The following MAN1A2 variants were observed in gnomAD, a reference collection of about 807,000 sequenced individuals.
MAN1A2 encodes the protein mannosyl-oligosaccharide 1,2-alpha-mannosidase IB.
In MAN1A2, 26 loss-of-function variants were observed where a neutral mutation model predicts 75.7. The observed-to-expected ratio is 0.34, with a 90% CI of 0.25 to 0.48. The LOEUF is 0.48. Among genes scored for constraint, MAN1A2 ranks in the 20% least tolerant of loss-of-function variants. The probability of loss-of-function intolerance (pLI) is 0.99; values close to 1 mark genes in which losing one functional copy is unlikely to be tolerated. For synonymous variants in MAN1A2, 247 were observed against 264.6 expected, an observed-to-expected ratio of 0.93 and a Z score of 0.65; for missense variants, 562 against 775.5, an observed-to-expected ratio of 0.72 and a Z score of 3.27.
chr1:117,524,957 T>G lies in MAN1A2; in HGVS notation c.*2000T>G, dbSNP rs959650886. ...AAAGTAGCACAAGCCCACTTATGAA[T>G]CACTGAGAAAAAGTGAAAAACTTGA... On this transcript the variant is annotated 3_prime_UTR_variant, in exon 13 of 13. Transcript: ENST00000356554. 3 of 351,976 alleles carry G rather than the reference T, an allele frequency of 8.5e-6. No individual in the cohort carries two copies. The highest frequency in any genetic ancestry group is 6.4e-5 in the African/African-American group (3 of 46,754). 21.8% of individuals were successfully genotyped at this position (351,976 alleles called of 1,614,324 possible). A position where few individuals can be genotyped will look rare whatever the true frequency, so the allele number is the denominator to read the frequency against.
intron 8 of MAN1A2, among the ~76,000 whole-genome samples, chr1:117,470,947 T>G (rs186638572): frequency 1.2e-3 from 185 of 152,020 alleles, no homozygotes; most frequent in African/African-American, 4.1e-3. Context: ...GGTAATTACC[T>G]TCAGGAAAAG....
At chr1:117,372,504 T>C (rs1007557974) in intron 1 of MAN1A2, among the ~76,000 whole-genome samples, 3 of 152,194 alleles carry the variant, frequency 2.0e-5, no homozygotes, top group African/African-American at 7.2e-5. Flanking sequence ...AGGAAACCAA[T>C]ATGTTCCCTT....
chr1:117,388,873 A>G (rs1289449621), intron 1 of MAN1A2, among the ~76,000 whole-genome samples: 1 of 152,238 alleles, frequency 6.6e-6, no homozygotes, highest in Non-Finnish European at 1.5e-5. Context: ...AATAATATTT[A>G]CAATAAATTA....
intron 3 of MAN1A2, among the ~76,000 whole-genome samples, chr1:117,413,318 T>C (rs1647883289): frequency 1.3e-5 from 2 of 151,898 alleles, no homozygotes; most frequent in Admixed American, 1.3e-4. Flanking sequence ...GAAAATGGCA[T>C]GTAAATTAAG....
intron 6 of MAN1A2, among the ~76,000 whole-genome samples, chr1:117,443,889 T>C (rs1454579666): frequency 6.6e-6 from 1 of 152,076 alleles, no homozygotes; most frequent in African/African-American, 2.4e-5. Context: ...TGTGAGCCAC[T>C]GCACCTAGCA....
At chr1:117,450,386 TTTA>T (rs1410881440) in intron 6 of MAN1A2, among the ~76,000 whole-genome samples, 1 of 152,036 alleles carries the variant, frequency 6.6e-6, no homozygotes, top group African/African-American at 2.4e-5. Flanking sequence ...GGCATTCAGT[TTTA>T]TAAGGGAAGC....
intron 8 of MAN1A2, among the ~76,000 whole-genome samples, chr1:117,475,027 T>A (rs1650272404): frequency 1.3e-5 from 2 of 152,018 alleles, no homozygotes; most frequent in Admixed American, 1.3e-4. Context: ...TAGTTCTGAG[T>A]GGAATTCCAC....
intron 5 of MAN1A2, among the ~76,000 whole-genome samples, chr1:117,425,631 T>C (rs1415789668): frequency 1.3e-5 from 2 of 152,086 alleles, no homozygotes; most frequent in African/African-American, 4.8e-5. Context: ...CACAGAAACA[T>C]CTGACAACAT....
At chr1:117,436,697 C>T (rs143617324) in intron 5 of MAN1A2, among the ~76,000 whole-genome samples, 38 of 152,314 alleles carry the variant, frequency 2.5e-4, no homozygotes, top group African/African-American at 8.9e-4. Context: ...TGAGTGTTCT[C>T]CTATAATGTA....
intron 5 of MAN1A2, among the ~76,000 whole-genome samples, chr1:117,421,570 A>ATATTTCATT (rs1648199823): frequency 1.3e-5 from 2 of 151,456 alleles, no homozygotes; most frequent in African/African-American, 4.8e-5. Flanking sequence ...TTTTATCTAT[A>ATATTTCATT]TATTTCATTT....
intron 7 of MAN1A2, 55 bp downstream of exon 7, chr1:117,460,667 G>A: frequency 8.0e-6 from 12 of 1,507,170 alleles, no homozygotes; most frequent in Non-Finnish European, 1.1e-5. Context: ...TTTAAGATTG[G>A]CCCAAAGATT....
intron 8 of MAN1A2, among the ~76,000 whole-genome samples, chr1:117,482,472 CGAT>C (rs1650529947): frequency 1.3e-5 from 2 of 151,770 alleles, no homozygotes; most frequent in Non-Finnish European, 2.9e-5. Flanking sequence ...TGACCAGTGA[CGAT>C]GAGCATTTTT....
chr1:117,497,813 A>G (rs760406452), intron 10 of MAN1A2, among the ~76,000 whole-genome samples: 5 of 151,866 alleles, frequency 3.3e-5, no homozygotes, highest in African/African-American at 4.8e-5. Context: ...ATGAGTTTCT[A>G]TATGAAGTAA....
chr1:117,489,469 T>TA, intron 8 of MAN1A2, among the ~76,000 whole-genome samples: 1 of 152,224 alleles, frequency 6.6e-6, no homozygotes, highest in Non-Finnish European at 1.5e-5. Flanking sequence ...ATGTTAATTA[T>TA]AAATTGATGT....
chr1:117,417,882 C>T (rs1648060217), intron 4 of MAN1A2, among the ~76,000 whole-genome samples: 2 of 151,602 alleles, frequency 1.3e-5, no homozygotes, highest in Admixed American at 6.6e-5. Flanking sequence ...TCGCTTGAGC[C>T]CAGCTTGGGC....
intron 5 of MAN1A2, among the ~76,000 whole-genome samples, chr1:117,425,965 T>G (rs1186012436): frequency 6.6e-6 from 1 of 152,180 alleles, no homozygotes; most frequent in Non-Finnish European, 1.5e-5. Flanking sequence ...GGTATTTTAT[T>G]CCTTCTGTGG....
At chr1:117,493,387 T>A (rs1345097557) in intron 9 of MAN1A2, 125 bp downstream of exon 9, 3 of 557,388 alleles carry the variant, frequency 5.4e-6, no homozygotes, top group Non-Finnish European at 9.5e-6. Context: ...AAACATTTTA[T>A]TATATGCATT....
intron 1 of MAN1A2, among the ~76,000 whole-genome samples, chr1:117,370,971 A>C (rs1276022825): frequency 6.6e-6 from 1 of 152,186 alleles, no homozygotes; most frequent in Non-Finnish European, 1.5e-5. Flanking sequence ...GCCACTGATT[A>C]GATTTATGAT....
intron 11 of MAN1A2, among the ~76,000 whole-genome samples, chr1:117,502,465 C>T (rs1209528292): frequency 6.6e-6 from 1 of 151,526 alleles, no homozygotes; most frequent in Non-Finnish European, 1.5e-5. Context: ...ATTGTTTGTC[C>T]TTGGAAGTGA....
Sources: allele counts gnomAD v4.1 joint callset (sites outside exome capture counted in the v4.1 genomes callset), GRCh38; gene constraint gnomAD v4.1.1; transcripts MANE v1.5; gene names NCBI Gene and HGNC (gene_info 2026-07-23, HGNC 2026-07-21).